LRRC4C: variants seen among roughly 807,000 people sequenced by gnomAD.
LRRC4C encodes leucine-rich repeat-containing protein 4C.
In LRRC4C, 5 loss-of-function variants were observed where a neutral mutation model predicts 33.6. The ratio of observed to expected loss-of-function variants is 0.15; its 90% CI spans 0.08 to 0.31. The LOEUF is 0.31. Among genes scored for constraint, LRRC4C ranks in the 10% least tolerant of loss-of-function variants. LRRC4C has a pLI of 1.00. For missense variants in LRRC4C, 560 were observed against 796.7 expected (o/e 0.70, Z 3.58); for synonymous variants, 329 against 302.0 (o/e 1.09, Z -0.93).
chr11:40,465,727 C>T (rs1404508958), intron 3 of LRRC4C, among the ~76,000 whole-genome samples: 1 of 151,918 alleles, frequency 6.6e-6, no homozygotes, highest in African/African-American at 2.4e-5. Context: ...CAGAGAAGTG[C>T]AAATTAAAAC....
At chr11:41,352,382 A>G (rs1746256937) in intron 1 of LRRC4C, among the ~76,000 whole-genome samples, 1 of 152,164 alleles carries the variant, frequency 6.6e-6, no homozygotes, top group African/African-American at 2.4e-5. Context: ...GTTGTTAGAA[A>G]CCTAACAGGA....
chr11:40,947,985 T>G (rs1958487391), intron 1 of LRRC4C, among the ~76,000 whole-genome samples: 1 of 152,148 alleles, frequency 6.6e-6, no homozygotes, highest in Admixed American at 6.6e-5. Flanking sequence ...TTTCAGCTAT[T>G]TCAAGCGAGA....
intron 5 of LRRC4C, among the ~76,000 whole-genome samples, chr11:40,157,001 C>G (rs1188892862): frequency 6.6e-6 from 1 of 152,126 alleles, no homozygotes; most frequent in East Asian, 1.9e-4. Context: ...ATCACACTAC[C>G]TGATTTCAAA....
chr11:40,579,487 T>C (rs146789174), intron 3 of LRRC4C, among the ~76,000 whole-genome samples: 169 of 152,314 alleles, frequency 1.1e-3, no homozygotes, highest in African/African-American at 3.6e-3. Context: ...TAGCTTTGGG[T>C]TAAGGTATAA....
intron 1 of LRRC4C, among the ~76,000 whole-genome samples, chr11:41,440,636 C>T (rs180968534): frequency 9.9e-5 from 15 of 152,150 alleles, no homozygotes; most frequent in South Asian, 2.1e-4. Flanking sequence ...ATGTCCCCAC[C>T]GAAATCTCAT....
intron 1 of LRRC4C, among the ~76,000 whole-genome samples, chr11:41,140,204 C>G (rs1943442340): frequency 6.6e-6 from 1 of 152,078 alleles, no homozygotes; most frequent in Non-Finnish European, 1.5e-5. Context: ...GAAATTTACC[C>G]AACCCTGCTA....
intron 1 of LRRC4C, among the ~76,000 whole-genome samples, chr11:41,413,106 A>G (rs1236970559): frequency 6.6e-6 from 1 of 151,604 alleles, no homozygotes; most frequent in Non-Finnish European, 1.5e-5. Context: ...TGATTAGAGC[A>G]GGAAAGTTAC....
chr11:40,750,648 T>G (rs1334698426), intron 2 of LRRC4C, among the ~76,000 whole-genome samples: 1 of 104,246 alleles, frequency 9.6e-6, no homozygotes, highest in African/African-American at 3.8e-5. Context: ...ACATCGGGAC[T>G]GTTGTGGGGT....
chr11:40,983,998 T>G (rs1036659088), intron 1 of LRRC4C, among the ~76,000 whole-genome samples: 11 of 152,134 alleles, frequency 7.2e-5, no homozygotes, highest in African/African-American at 2.7e-4. Flanking sequence ...ATGTTGCCAG[T>G]TGCTACTATA....
intron 2 of LRRC4C, among the ~76,000 whole-genome samples, chr11:40,775,747 T>C (rs1442396606): frequency 6.6e-6 from 1 of 152,220 alleles, no homozygotes; most frequent in Non-Finnish European, 1.5e-5. Context: ...TTTTGCTTTT[T>C]CTATTTGGAT....
chr11:40,954,203 T>C (rs192157375), intron 1 of LRRC4C, among the ~76,000 whole-genome samples: 1 of 151,986 alleles, frequency 6.6e-6, no homozygotes, highest in East Asian at 1.9e-4. Context: ...CCCCAACATG[T>C]AACATTAGGT....
chr11:40,651,456 C>A (rs760433456), intron 2 of LRRC4C, among the ~76,000 whole-genome samples: 5 of 152,112 alleles, frequency 3.3e-5, no homozygotes, highest in Non-Finnish European at 5.9e-5. Context: ...TTGTCCAATT[C>A]TTGTTCAATT....
At chr11:40,237,379 G>T (rs1158026676) in intron 5 of LRRC4C, among the ~76,000 whole-genome samples, 1 of 152,188 alleles carries the variant, frequency 6.6e-6, no homozygotes, top group Non-Finnish European at 1.5e-5. Flanking sequence ...AGCATTAGAG[G>T]TCCAGAGTCT....
At chr11:41,269,209 T>C (rs989640700) in intron 1 of LRRC4C, among the ~76,000 whole-genome samples, 1 of 152,074 alleles carries the variant, frequency 6.6e-6, no homozygotes, top group Non-Finnish European at 1.5e-5. Flanking sequence ...CAAATTACAA[T>C]GTGTAAGATC....
At chr11:40,901,998 CT>C (rs1956223890) in intron 2 of LRRC4C, among the ~76,000 whole-genome samples, 3 of 126,026 alleles carry the variant, frequency 2.4e-5, no homozygotes, top group African/African-American at 9.8e-5. Flanking sequence ...CTCTCTCTCT[CT>C]ACACACACAC....
At chr11:41,218,255 A>G (rs1407258665) in intron 1 of LRRC4C, among the ~76,000 whole-genome samples, 2 of 152,162 alleles carry the variant, frequency 1.3e-5, no homozygotes, top group African/African-American at 2.4e-5. Flanking sequence ...TAAGTGAACA[A>G]TCCTTGTCAG....
intron 3 of LRRC4C, among the ~76,000 whole-genome samples, chr11:40,427,574 T>A (rs1950763040): frequency 6.6e-6 from 1 of 152,192 alleles, no homozygotes; most frequent in Admixed American, 6.5e-5. Flanking sequence ...TCGCCTGTAA[T>A]CCCAGCATTT....
At chr11:40,362,394 G>C (rs368246009) in intron 3 of LRRC4C, among the ~76,000 whole-genome samples, 94 of 152,106 alleles carry the variant, frequency 6.2e-4, no homozygotes, top group African/African-American at 2.1e-3. Flanking sequence ...CAGGATATAT[G>C]AGAAATGTAA....
intron 2 of LRRC4C, among the ~76,000 whole-genome samples, chr11:40,697,612 C>G (rs11036028): frequency 6.6e-6 from 1 of 152,088 alleles, no homozygotes; most frequent in Admixed American, 6.6e-5. Context: ...TGGATCATAC[C>G]TGCATAACTT....
Sources: gnomAD v4.1 joint callset for allele counts (sites outside exome capture counted in the v4.1 genomes callset) on GRCh38, gnomAD v4.1.1 for gene constraint, MANE v1.5 for transcripts, NCBI Gene and HGNC (gene_info 2026-07-23, HGNC 2026-07-21) for gene names.